The following GABRA2 variants were observed in gnomAD, a reference collection of about 807,000 sequenced individuals.
GABRA2 encodes the protein gamma-aminobutyric acid receptor subunit alpha-2.
GABRA2 carries 16 observed loss-of-function variants against 48.7 expected under a neutral mutation model. The observed-to-expected ratio is 0.33, with a 90% CI of 0.22 to 0.50. The LOEUF (loss-of-function observed/expected upper bound fraction) is 0.50. GABRA2 is among the 20% of genes least tolerant of loss of function. GABRA2 has a pLI of 0.98. For missense variants in GABRA2, 275 were observed against 535.6 expected (o/e 0.51, Z 4.80); for synonymous variants, 185 against 184.5 (o/e 1.00, Z -0.02).
rs1237413139 is a variant in GABRA2 at position 46,247,226 on chromosome 4, G to T, written c.*3082C>A. Among the ~76,000 whole-genome samples, 7 of 150,928 alleles carry T rather than the reference G, an allele frequency of 4.6e-5. No homozygotes were observed. In the Admixed American group the frequency reaches 4.6e-4, roughly 10 times the overall value. ...AAAATTTAAAAAATATATATTAAAT[G>T]GTTATATTTCTTCCATTTTATAATC... On this transcript the variant is annotated 3_prime_UTR_variant, in exon 10 of 10. Transcript: ENST00000381620.
At chr4:46,303,203 G>A in intron 8 of GABRA2, 1 of 425,468 alleles carries the variant, frequency 2.4e-6, no homozygotes, top group Non-Finnish European at 4.2e-6. Flanking sequence ...GACAAATGTT[G>A]AACAGCAGTA....
At chr4:46,274,108 A>T (rs1056168534) in intron 8 of GABRA2, among the ~76,000 whole-genome samples, 1 of 152,116 alleles carries the variant, frequency 6.6e-6, no homozygotes, top group African/African-American at 2.4e-5. Flanking sequence ...GTCATCTCTG[A>T]CAGAAGGATT....
At chr4:46,368,964 C>T (rs1440602644) in intron 3 of GABRA2, 1 of 699,982 alleles carries the variant, frequency 1.4e-6, no homozygotes, top group Non-Finnish European at 2.6e-6. Context: ...TGTTCTGGCT[C>T]TTGAAGGCTA....
chr4:46,369,408 C>T (rs751309241), intron 3 of GABRA2, among the ~76,000 whole-genome samples: 42 of 151,924 alleles, frequency 2.8e-4, no homozygotes, highest in Non-Finnish European at 6.0e-4. Flanking sequence ...ATGTTGATAC[C>T]TGTGGATTAG....
chr4:46,294,195 C>G (rs988467187), intron 8 of GABRA2, among the ~76,000 whole-genome samples: 12 of 152,238 alleles, frequency 7.9e-5, no homozygotes, highest in Non-Finnish European at 1.5e-4. Flanking sequence ...AGATATCACA[C>G]TGGTCCATTA....
At chr4:46,256,585 G>C (rs1186103922) in intron 9 of GABRA2, among the ~76,000 whole-genome samples, 2 of 151,180 alleles carry the variant, frequency 1.3e-5, no homozygotes, top group Non-Finnish European at 3.0e-5. Context: ...TGTTACTTTG[G>C]TCACCAAGAA....
Position 46,249,701 on chromosome 4 carries a change from T to C in GABRA2, c.*607A>G, listed in dbSNP as rs1714347080. 6.6e-6 allele frequency: 1 copy of C among 151,508 alleles called. No individual in the cohort carries two copies. The highest frequency in any genetic ancestry group is 2.1e-4 in the South Asian group (1 of 4,830). 9.4% of individuals were successfully genotyped at this position (151,508 alleles called of 1,614,324 possible). ...CATCGTAGGCATAATTAACATCCTT[T>C]CGGGCTGACTCATAATTATTTGAGC... On this transcript the variant is annotated 3_prime_UTR_variant, in exon 10 of 10. Transcript: ENST00000381620.
chr4:46,305,414 T>TAAA (rs35011150), intron 7 of GABRA2, among the ~76,000 whole-genome samples, 154 bp downstream of exon 7: 4 of 143,604 alleles, frequency 2.8e-5, no homozygotes, highest in Non-Finnish European at 6.1e-5. Context: ...AAAGTATAAT[T>TAAA]AAAAAAAAAA....
intron 8 of GABRA2, among the ~76,000 whole-genome samples, chr4:46,273,126 T>A (rs1174734135): frequency 6.6e-6 from 1 of 151,760 alleles, no homozygotes; most frequent in Non-Finnish European, 1.5e-5. Context: ...TTGGCTATTA[T>A]TTATTTTTAG....
At chr4:46,326,901 T>A (rs1730482150) in intron 4 of GABRA2, among the ~76,000 whole-genome samples, 1 of 151,938 alleles carries the variant, frequency 6.6e-6, no homozygotes, top group African/African-American at 2.4e-5. Context: ...GTGTTCCATA[T>A]CCCAGTGAAT....
At chr4:46,277,066 G>A (rs1288301826) in intron 8 of GABRA2, among the ~76,000 whole-genome samples, 4 of 151,958 alleles carry the variant, frequency 2.6e-5, no homozygotes, top group Non-Finnish European at 5.9e-5. Flanking sequence ...CTTACTGTGA[G>A]GAGATAATAA....
chr4:46,369,372 TA>T (rs1238690647), intron 3 of GABRA2, among the ~76,000 whole-genome samples: 1 of 152,140 alleles, frequency 6.6e-6, no homozygotes. Flanking sequence ...ATTATTTATT[TA>T]AAAACAAGAA....
At chr4:46,374,006 C>T (rs981364930) in intron 3 of GABRA2, among the ~76,000 whole-genome samples, 8 of 152,248 alleles carry the variant, frequency 5.3e-5, no homozygotes, top group African/African-American at 1.9e-4. Flanking sequence ...TCCTTGCAAA[C>T]CTAAGTGGCA....
At chr4:46,279,443 C>T (rs1328508416) in intron 8 of GABRA2, among the ~76,000 whole-genome samples, 2 of 152,030 alleles carry the variant, frequency 1.3e-5, no homozygotes, top group Non-Finnish European at 1.5e-5. Flanking sequence ...AATTTTTAAG[C>T]ACTGTAGTTT....
intron 3 of GABRA2, among the ~76,000 whole-genome samples, chr4:46,344,093 C>A (rs957973899): frequency 3.3e-5 from 5 of 151,706 alleles, no homozygotes; most frequent in African/African-American, 1.2e-4. Flanking sequence ...GATGAATATA[C>A]CTAATATTGG....
intron 9 of GABRA2, among the ~76,000 whole-genome samples, chr4:46,259,701 G>T (rs1716573064): frequency 6.6e-6 from 1 of 151,804 alleles, no homozygotes; most frequent in African/African-American, 2.4e-5. Context: ...AACCGCATTT[G>T]CTCATGTTTA....
chr4:46,273,486 T>TATATGC (rs1719812564), intron 8 of GABRA2, among the ~76,000 whole-genome samples: 10 of 30,300 alleles, frequency 3.3e-4, no homozygotes, highest in African/African-American at 1.4e-3. Flanking sequence ...TATATATGCA[T>TATATGC]ATATATATAT....
intron 5 of GABRA2, among the ~76,000 whole-genome samples, chr4:46,311,030 C>T (rs1052456164): frequency 4.6e-5 from 7 of 152,110 alleles, no homozygotes; most frequent in East Asian, 1.9e-4. Context: ...TTTGTTATGG[C>T]TTAAATTCTA....
intron 3 of GABRA2, among the ~76,000 whole-genome samples, chr4:46,374,126 T>G (rs1161376189): frequency 6.6e-6 from 1 of 152,142 alleles, no homozygotes; most frequent in East Asian, 1.9e-4. Flanking sequence ...ATTGCTAACT[T>G]ACTGAATTCT....
Sources: allele counts gnomAD v4.1 joint callset (sites outside exome capture counted in the v4.1 genomes callset), GRCh38; gene constraint gnomAD v4.1.1; transcripts MANE v1.5; gene names NCBI Gene and HGNC (gene_info 2026-07-23, HGNC 2026-07-21).